Variants in NOL4L observed in about 807,000 individuals in gnomAD.
NOL4L encodes nucleolar protein 4 like, also known as nucleolar protein 4-like.
Under a neutral mutation model 64.5 loss-of-function variants are expected in NOL4L, and 7 were observed. That is an observed-to-expected ratio of 0.11 (90% CI 0.06 to 0.20). The LOEUF is 0.20. Among genes scored for constraint, NOL4L ranks in the 10% least tolerant of loss-of-function variants. The pLI, the probability that NOL4L is intolerant of heterozygous loss-of-function variation, is 1.00. For missense variants in NOL4L, 680 were observed against 967.1 expected, an observed-to-expected ratio of 0.70 and a Z score of 3.94; for synonymous variants, 413 against 401.0, an observed-to-expected ratio of 1.03 and a Z score of -0.36.
chr20:32,568,071 C>G (rs1979542328), intron 1 of NOL4L, among the ~76,000 whole-genome samples: 1 of 151,962 alleles, frequency 6.6e-6, no homozygotes, highest in Non-Finnish European at 1.5e-5. Flanking sequence ...CCATCATCAC[C>G]ATTAATACCA....
Position 32,453,760 on chromosome 20 carries a change from G to A in NOL4L, c.1121C>T (p.Ser374Phe), listed in dbSNP as rs749152593. 12 of 1,552,532 alleles carry A rather than the reference G, an allele frequency of 7.7e-6. No individual in the cohort carries two copies. Among genetic ancestry groups the A allele is most frequent in the Non-Finnish European group, 1.0e-5 (12 of 1,147,364 alleles). The change falls in exon 7 of 11, where the codon TCC becomes TTC. Residue 374 changes from serine (S) to phenylalanine (F), a missense_variant and splice_region_variant. Transcript: ENST00000621426. This position sits in a 1 kb window ranked among gnomAD's most constrained non-coding sequence, Gnocchi z 5.6. ...GTAGCTCCCAGAGCTGTAGGGGGGG[G>A]ACTAAAAGGAGGGCAAGAGGCAGAG... Reference protein sequence around the residue: ...VKYGVKTTPESPPYSSGSYDS... With the variant: ...VKYGVKTTPEFPPYSSGSYDS...
chr20:32,452,250 C>A lies in NOL4L; in HGVS notation c.1808G>T (p.Gly603Val). The change falls in exon 10 of 11, where the codon GGA (glycine) becomes GTA (valine). Residue 603 changes from glycine to valine, a missense_variant. Gly to Val is a moderately radical substitution (Grantham distance 109). Around this residue, in one of 4 missense-constraint regions of NOL4L, gnomAD observed 175 missense variants for 227.0 expected, o/e 0.77. Transcript: ENST00000621426. ...NLQPPASLQT[G>V]NHSNGPTDLS... The stretch of plus-strand genomic sequence containing the variant: ...CCCCGACTCACCATTACTGTGGTTT[C>A]CTGTTTGGAGGGAGGCAGGGGGCTG... 1 of 1,565,004 alleles carries A rather than the reference C, an allele frequency of 6.4e-7. No homozygotes were observed. The highest frequency in any genetic ancestry group is 1.2e-5 in the South Asian group (1 of 83,032).
chr20:32,530,968 T>TCTG (rs1222614734), intron 1 of NOL4L, among the ~76,000 whole-genome samples: 6 of 152,204 alleles, frequency 3.9e-5, no homozygotes, highest in African/African-American at 1.4e-4. Flanking sequence ...ATCTGTGTAT[T>TCTG]TCTGTATGTC....
At chr20:32,532,296 G>A (rs774792648) in intron 1 of NOL4L, 17 of 948,588 alleles carry the variant, frequency 1.8e-5, no homozygotes, top group Middle Eastern at 5.3e-4. Context: ...CTCAAACCAC[G>A]CAAGGGCTGC....
intron 1 of NOL4L, among the ~76,000 whole-genome samples, chr20:32,575,657 C>T (rs1036571308): frequency 3.9e-5 from 6 of 152,266 alleles, no homozygotes; most frequent in East Asian, 1.9e-4. Context: ...CCTGGGGACA[C>T]GGCAGCAAAA....
intron 1 of NOL4L, among the ~76,000 whole-genome samples, chr20:32,538,130 G>A (rs2018583311): frequency 1.3e-5 from 2 of 152,174 alleles, no homozygotes; most frequent in South Asian, 2.1e-4. Flanking sequence ...GTCAGTGCAG[G>A]CAGCTGCTTG....
rs997785886 is a variant in NOL4L at position 32,453,870 on chromosome 20, TGCCACGAGAGCCATAGCTGCGAG to T, written c.1120-132_1120-110del. 3.9e-5 allele frequency: 39 copies of T among 996,224 alleles called. No individual in the cohort carries two copies. The African/African-American group carries it at 5.8e-4, about 15-fold the overall frequency. The allele number at this position is 996,224 out of a possible 1,614,324, so 61.7% of individuals were successfully genotyped here. On this transcript the variant is annotated intron_variant, in intron 6 of 10. Coordinates refer to ENST00000621426, the MANE Select transcript of NOL4L (RefSeq NM_001256798.2). The surrounding 1 kb of genome is among the most constrained non-coding windows in gnomAD (Gnocchi z 5.6). ...GACCAGGGTGGCACGCATGCCCTGC[TGCCACGAGAGCCATAGCTGCGAG>T]GCCCTGAGCAAGTCACTCCCCTCTT...
intron 1 of NOL4L, chr20:32,536,341 A>G: frequency 2.0e-6 from 2 of 984,972 alleles, no homozygotes; most frequent in Admixed American, 6.1e-5. Flanking sequence ...TAACGAGCGG[A>G]GAGCCCCAGG....
chr20:32,493,381 G>T (rs2016543737), intron 4 of NOL4L, among the ~76,000 whole-genome samples: 2 of 152,272 alleles, frequency 1.3e-5, no homozygotes, highest in African/African-American at 4.8e-5. Context: ...CCGGGATGCT[G>T]CATGGGGACC....
Position 32,464,095 on chromosome 20 carries a change from C to T in NOL4L, c.842-7700G>A, listed in dbSNP as rs942206210. On this transcript the variant is annotated intron_variant, in intron 5 of 10. Coordinates refer to ENST00000621426, the MANE Select transcript of NOL4L (RefSeq NM_001256798.2). The surrounding 1 kb of genome is among the most constrained non-coding windows in gnomAD (Gnocchi z 5.6). ...GGAGGGGGTGGGAGACTGCTGGAGCCACGGCCCACCATGGCCAGGGAGGCG... is the reference window on the plus strand; with the variant it reads ...GGAGGGGGTGGGAGACTGCTGGAGCTACGGCCCACCATGGCCAGGGAGGCG... 1.3e-5 allele frequency among the ~76,000 whole-genome samples: 2 copies of T among 152,118 alleles called. No individual in the cohort carries two copies. The highest frequency in any genetic ancestry group is 3.9e-4 in the East Asian group (2 of 5,186).
intron 3 of NOL4L, among the ~76,000 whole-genome samples, chr20:32,518,350 C>T (rs2017766534): frequency 6.6e-6 from 1 of 152,252 alleles, no homozygotes; most frequent in Admixed American, 6.5e-5. Flanking sequence ...TGGCCTCTTT[C>T]TCCTCCCTGG....
Position 32,474,659 on chromosome 20 carries a change from C to T in NOL4L, c.783G>A (p.Leu261=). The T allele has an allele frequency of 6.2e-7, 1 of 1,613,818 alleles. No homozygotes were observed. Among genetic ancestry groups the T allele is most frequent in the African/African-American group, 1.3e-5 (1 of 75,070 alleles). ...MSADPHLASS[L]SPSQDERMRS... is the part of the protein sequence containing the mutation. ...GCATCCTCTCGTCCTGGCTGGGGCT[C>T]AGGCTGGAGGCCAGGTGCGGGTCAG... Residue 261 remains leucine, a synonymous_variant, in exon 5 of 11, where the codon CTG becomes CTA. Transcript: ENST00000621426.
intron 5 of NOL4L, among the ~76,000 whole-genome samples, chr20:32,469,217 G>A (rs1239357510): frequency 1.3e-5 from 2 of 152,228 alleles, no homozygotes; most frequent in East Asian, 3.9e-4. Context: ...GGAGGCCAAT[G>A]ACTATGTGAG....
chr20:32,485,752 G>A (rs1363651915), intron 4 of NOL4L: 1 of 470,794 alleles, frequency 2.1e-6, no homozygotes, highest in Non-Finnish European at 4.4e-6. Flanking sequence ...CGCGGGAACT[G>A]TCCATCCTCA....
At chr20:32,559,236 C>T (rs1352670915) in intron 1 of NOL4L, among the ~76,000 whole-genome samples, 1 of 152,202 alleles carries the variant, frequency 6.6e-6, no homozygotes, top group Non-Finnish European at 1.5e-5. Context: ...TCCCAGTGCT[C>T]AGCAAACAGC....
At chr20:32,564,224 G>A (rs927747235) in intron 1 of NOL4L, among the ~76,000 whole-genome samples, 1 of 152,214 alleles carries the variant, frequency 6.6e-6, no homozygotes, top group African/African-American at 2.4e-5. Flanking sequence ...CCATTAACGT[G>A]GCCCTGTCAT....
intron 3 of NOL4L, among the ~76,000 whole-genome samples, chr20:32,512,045 C>G (rs2017430347): frequency 6.6e-6 from 1 of 151,948 alleles, no homozygotes; most frequent in Non-Finnish European, 1.5e-5. Context: ...AGCAAACCCA[C>G]CCCCACAACA....
chr20:32,522,760 T>C (rs2017990700), intron 2 of NOL4L, among the ~76,000 whole-genome samples: 1 of 152,174 alleles, frequency 6.6e-6, no homozygotes, highest in Non-Finnish European at 1.5e-5. Flanking sequence ...CAGAGGGCTG[T>C]GGCTGACTTG....
At chr20:32,580,992 G>A (rs1462910929) in intron 1 of NOL4L, among the ~76,000 whole-genome samples, 1 of 152,248 alleles carries the variant, frequency 6.6e-6, no homozygotes, top group East Asian at 1.9e-4. Flanking sequence ...TTGTCTCCAA[G>A]GGGTTTGCTT....
Sources: gnomAD v4.1 joint callset for allele counts (sites outside exome capture counted in the v4.1 genomes callset) on GRCh38, gnomAD v4.1.1 for gene constraint, gnomAD v4.1.1 regional missense constraint, Gnocchi (gnomAD v3.1) non-coding constraint, MANE v1.5 for transcripts, NCBI Gene and HGNC (gene_info 2026-07-23, HGNC 2026-07-21) for gene names.